The following ULK4 variants were observed in gnomAD, a reference collection of about 807,000 sequenced individuals.
The protein encoded by ULK4 is inactive serine/threonine-protein kinase ULK4.
Under a neutral mutation model 160.6 loss-of-function variants are expected in ULK4, and 133 were observed. The ratio of observed to expected loss-of-function variants is 0.83; its 90% CI spans 0.72 to 0.96. ULK4 has a LOEUF of 0.96. Among genes scored for constraint, ULK4 ranks in the 40% least tolerant of loss-of-function variants. The pLI is 0.00. For missense variants in ULK4, 1,580 were observed against 1,499.5 expected, an observed-to-expected ratio of 1.05 and a Z score of -0.89; for synonymous variants, 534 against 539.8, an observed-to-expected ratio of 0.99 and a Z score of 0.15.
At chr3:41,701,022 A>G (rs2036657171) in intron 27 of ULK4, among the ~76,000 whole-genome samples, 1 of 152,000 alleles carries the variant, frequency 6.6e-6, no homozygotes, top group Non-Finnish European at 1.5e-5. Context: ...AAAAAGAAAT[A>G]AAATCATTCA....
At chr3:41,760,653 T>C (rs2038955859) in intron 21 of ULK4, among the ~76,000 whole-genome samples, 1 of 152,274 alleles carries the variant, frequency 6.6e-6, no homozygotes, top group South Asian at 2.1e-4. Context: ...TTGTATGAAA[T>C]TACCTTGGCC....
intron 35 of ULK4, among the ~76,000 whole-genome samples, chr3:41,302,079 G>A (rs1040400713): frequency 1.1e-4 from 17 of 152,154 alleles, no homozygotes; most frequent in Non-Finnish European, 2.4e-4. Flanking sequence ...TTACATACAA[G>A]CACTGAGAAG....
chr3:41,395,381 T>G (rs1162469250), intron 35 of ULK4, among the ~76,000 whole-genome samples: 1 of 152,038 alleles, frequency 6.6e-6, no homozygotes, highest in Non-Finnish European at 1.5e-5. Context: ...ACAACACAAA[T>G]GTCCATCAAT....
At chr3:41,489,943 G>A (rs559587746) in intron 32 of ULK4, among the ~76,000 whole-genome samples, 2 of 152,210 alleles carry the variant, frequency 1.3e-5, no homozygotes, top group African/African-American at 2.4e-5. Flanking sequence ...CAGAGGACAG[G>A]ACTCCCAAAC....
intron 32 of ULK4, among the ~76,000 whole-genome samples, chr3:41,547,499 C>T (rs1436524907): frequency 1.3e-5 from 2 of 152,164 alleles, no homozygotes; most frequent in Non-Finnish European, 2.9e-5. Context: ...CACATTCCCA[C>T]TGTGGACCCT....
intron 34 of ULK4, among the ~76,000 whole-genome samples, chr3:41,406,182 A>G (rs993808023): frequency 6.6e-6 from 1 of 152,214 alleles, no homozygotes; most frequent in Non-Finnish European, 1.5e-5. Context: ...ATTCTTTTGC[A>G]TATGGCTAGC....
intron 30 of ULK4, among the ~76,000 whole-genome samples, chr3:41,622,726 T>C (rs945683630): frequency 6.6e-6 from 1 of 152,102 alleles, no homozygotes; most frequent in Non-Finnish European, 1.5e-5. Context: ...TGTAACAAAC[T>C]TGCATGTTCT....
chr3:41,480,024 G>A (rs1228997517), intron 32 of ULK4, among the ~76,000 whole-genome samples: 1 of 151,934 alleles, frequency 6.6e-6, no homozygotes, highest in Non-Finnish European at 1.5e-5. Flanking sequence ...TGGCTAACAC[G>A]ATGAAACCTT....
chr3:41,646,947 C>G (rs1212726025), intron 30 of ULK4, among the ~76,000 whole-genome samples: 2 of 152,226 alleles, frequency 1.3e-5, no homozygotes, highest in Non-Finnish European at 2.9e-5. Flanking sequence ...TTCATTTCAT[C>G]TTCCATCACT....
intron 18 of ULK4, among the ~76,000 whole-genome samples, chr3:41,823,742 A>G (rs1181757765): frequency 6.6e-6 from 1 of 152,198 alleles, no homozygotes; most frequent in African/African-American, 2.4e-5. Flanking sequence ...TGTCCTGAAA[A>G]GTTATTTATT....
intron 30 of ULK4, among the ~76,000 whole-genome samples, chr3:41,631,459 G>A (rs1250287373): frequency 6.6e-6 from 1 of 152,132 alleles, no homozygotes; most frequent in Non-Finnish European, 1.5e-5. Flanking sequence ...AGAATATGCA[G>A]CTATACTAGT....
In ULK4 at chr3:41,705,251, C is replaced by T. The variant is rs1421931329; in HGVS notation, c.2686+3G>A. Reference sequence around the variant, plus strand: ...GACACAAAATGTTCCAGGGTCTACTCACCTATGGCTCCATCTATGTTCGTT... The same window carrying T: ...GACACAAAATGTTCCAGGGTCTACTTACCTATGGCTCCATCTATGTTCGTT... On this transcript the variant is annotated splice_donor_region_variant and intron_variant, in intron 26 of 36. Transcript: ENST00000301831. The T allele has an allele frequency of 6.2e-7, 1 of 1,613,444 alleles. No homozygotes were observed. The highest frequency in any genetic ancestry group is 2.2e-5 in the East Asian group (1 of 44,846).
intron 5 of ULK4, among the ~76,000 whole-genome samples, chr3:41,923,328 A>C (rs923700710): frequency 6.6e-6 from 1 of 151,834 alleles, no homozygotes; most frequent in African/African-American, 2.4e-5. Flanking sequence ...GTGAAACCCC[A>C]TCTCTACTAA....
intron 32 of ULK4, among the ~76,000 whole-genome samples, chr3:41,532,414 T>C (rs944406538): frequency 2.0e-5 from 3 of 152,220 alleles, no homozygotes; most frequent in Admixed American, 6.5e-5. Flanking sequence ...ATTTTATTTA[T>C]TCTCAGTATT....
intron 27 of ULK4, among the ~76,000 whole-genome samples, chr3:41,691,395 A>G (rs968501879): frequency 2.0e-5 from 3 of 151,844 alleles, no homozygotes; most frequent in Non-Finnish European, 4.4e-5. Flanking sequence ...CCCTCTTCCA[A>G]CTGTACTTTA....
intron 22 of ULK4, among the ~76,000 whole-genome samples, chr3:41,730,331 C>G (rs904107591): frequency 1.3e-5 from 2 of 151,912 alleles, no homozygotes; most frequent in African/African-American, 4.8e-5. Context: ...TTTTAAAAGA[C>G]AAAAGGTCAG....
At chr3:41,820,390 G>C (rs1265681153) in intron 18 of ULK4, among the ~76,000 whole-genome samples, 1 of 151,968 alleles carries the variant, frequency 6.6e-6, no homozygotes, top group Non-Finnish European at 1.5e-5. Context: ...CTATTCACAA[G>C]AGCAAAAACA....
chr3:41,784,798 T>C (rs573440947), intron 21 of ULK4, among the ~76,000 whole-genome samples: 15 of 152,250 alleles, frequency 9.9e-5, no homozygotes, highest in South Asian at 2.1e-4. Flanking sequence ...CTCAAGAAAA[T>C]GTCTATGATT....
intron 32 of ULK4, among the ~76,000 whole-genome samples, chr3:41,563,732 C>A (rs2087686055): frequency 6.6e-6 from 1 of 152,172 alleles, no homozygotes; most frequent in Non-Finnish European, 1.5e-5. Flanking sequence ...GTCTTCTCTA[C>A]ACTGTTTATT....
Sources: allele counts gnomAD v4.1 joint callset (sites outside exome capture counted in the v4.1 genomes callset), GRCh38; gene constraint gnomAD v4.1.1; transcripts MANE v1.5; gene names NCBI Gene and HGNC (gene_info 2026-07-23, HGNC 2026-07-21).